The following BMPER variants were observed in gnomAD, a reference collection of about 807,000 sequenced individuals.
BMPER encodes BMP-binding endothelial regulator protein.
Under a neutral mutation model 87.3 loss-of-function variants are expected in BMPER, and 45 were observed. The observed-to-expected ratio is 0.52, with a 90% confidence interval of 0.41 to 0.66. The LOEUF is 0.66. Ranked by LOEUF, BMPER falls within the 30% of genes least tolerant of loss-of-function variation. The probability of loss-of-function intolerance (pLI) is 0.00; values close to 1 mark genes in which losing one functional copy is unlikely to be tolerated. For missense variants in BMPER, 784 were observed against 867.5 expected (o/e 0.90, Z 1.21); for synonymous variants, 326 against 316.2 (o/e 1.03, Z -0.33).
At chr7:34,013,350 C>G (rs1170924431) in intron 6 of BMPER, among the ~76,000 whole-genome samples, 4 of 151,692 alleles carry the variant, frequency 2.6e-5, no homozygotes, top group Admixed American at 6.6e-5. Context: ...GAATCTATGG[C>G]TCCTCAACTC....
intron 13 of BMPER, among the ~76,000 whole-genome samples, chr7:34,121,652 T>G (rs1183421085): frequency 2.0e-5 from 3 of 152,216 alleles, no homozygotes. Flanking sequence ...AATCTACTGT[T>G]ATTATTGACT....
intron 6 of BMPER, among the ~76,000 whole-genome samples, chr7:34,012,082 A>G (rs756633037): frequency 2.4e-4 from 37 of 151,980 alleles, no homozygotes; most frequent in Admixed American, 2.0e-3. Context: ...TAAGAAGGAA[A>G]TAAGAGAAAT....
At chr7:33,956,050 AC>A (rs1031046555) in intron 3 of BMPER, among the ~76,000 whole-genome samples, 1 of 151,876 alleles carries the variant, frequency 6.6e-6, no homozygotes, top group African/African-American at 2.4e-5. Flanking sequence ...AAAAAAAAAA[AC>A]ACCTCACCTA....
intron 11 of BMPER, among the ~76,000 whole-genome samples, chr7:34,062,305 A>T (rs1483394224): frequency 6.6e-6 from 1 of 152,200 alleles, no homozygotes; most frequent in East Asian, 1.9e-4. Flanking sequence ...TTAGGTTTTA[A>T]AAAGGACCAG....
At chr7:34,144,452 A>G (rs1790966647) in intron 14 of BMPER, among the ~76,000 whole-genome samples, 1 of 150,206 alleles carries the variant, frequency 6.7e-6, no homozygotes, top group African/African-American at 2.5e-5. Context: ...GATACTAGAT[A>G]GAGAATAAAT....
chr7:34,151,923 C>G (rs1416807040), intron 14 of BMPER, among the ~76,000 whole-genome samples: 1 of 152,182 alleles, frequency 6.6e-6, no homozygotes, highest in Non-Finnish European at 1.5e-5. Context: ...TCATTTGTTT[C>G]TAACCAGTGC....
intron 12 of BMPER, among the ~76,000 whole-genome samples, chr7:34,082,328 GT>G (rs55748957): frequency 0.019 from 2,193 of 116,400 alleles, 30 homozygotes; most frequent in African/African-American, 0.051. Flanking sequence ...CAACTTATTA[GT>G]TTTTTTTTTT....
chr7:34,017,606 A>G (rs978519535), intron 6 of BMPER, among the ~76,000 whole-genome samples: 59 of 152,070 alleles, frequency 3.9e-4, no homozygotes, highest in African/African-American at 1.3e-3. Flanking sequence ...CAACAAAACC[A>G]TATCAATGAG....
intron 8 of BMPER, among the ~76,000 whole-genome samples, chr7:34,054,202 G>A (rs562997546): frequency 1.3e-5 from 2 of 152,166 alleles, no homozygotes; most frequent in South Asian, 4.1e-4. Context: ...ATCCATCTCT[G>A]TATTTGTATT....
intron 3 of BMPER, among the ~76,000 whole-genome samples, chr7:33,961,364 G>C (rs1785265968): frequency 6.6e-6 from 1 of 152,186 alleles, no homozygotes; most frequent in Non-Finnish European, 1.5e-5. Context: ...AAGGGCTAGG[G>C]GTGGGTGCCT....
intron 6 of BMPER, among the ~76,000 whole-genome samples, chr7:34,028,162 A>G (rs927975156): frequency 3.3e-5 from 5 of 152,062 alleles, no homozygotes; most frequent in Admixed American, 6.6e-5. Flanking sequence ...TTTTGATGCC[A>G]CACCCAAAAC....
At chr7:34,106,832 G>T (rs1313887558) in intron 13 of BMPER, among the ~76,000 whole-genome samples, 1 of 152,182 alleles carries the variant, frequency 6.6e-6, no homozygotes. Flanking sequence ...CAGGCTTTGA[G>T]TATAATGTCC....
intron 11 of BMPER, among the ~76,000 whole-genome samples, chr7:34,069,602 T>C (rs1276433476): frequency 6.6e-6 from 1 of 152,242 alleles, no homozygotes; most frequent in Non-Finnish European, 1.5e-5. Context: ...GCCCAAACTT[T>C]TATGCACTAT....
At chr7:33,943,448 T>C (rs976370247) in intron 3 of BMPER, among the ~76,000 whole-genome samples, 4 of 152,308 alleles carry the variant, frequency 2.6e-5, no homozygotes, top group East Asian at 3.9e-4. Context: ...GAGTAATTCA[T>C]TTAACACCTC....
chr7:34,079,147 G>A lies in BMPER; in HGVS notation c.1369G>A (p.Asp457Asn). 6.2e-7 allele frequency: 1 copy of A among 1,613,890 alleles called. No individual in the cohort carries two copies. The highest frequency in any genetic ancestry group is 2.2e-5 in the East Asian group (1 of 44,866). ...CTGCCGCGCGCCACACTTCCACATCGACCTGGATGGCTACCTCTTGAAAGT... is the reference window on the plus strand; with the variant it reads ...CTGCCGCGCGCCACACTTCCACATCAACCTGGATGGCTACCTCTTGAAAGT... ...LPCRAPHFHI[D>N]LDGYLLKVTT... The change falls in exon 12 of 15, where the codon GAC becomes AAC. Residue 457 changes from aspartate (D) to asparagine (N), a missense_variant. Transcript: ENST00000649409.
intron 6 of BMPER, among the ~76,000 whole-genome samples, chr7:34,016,077 A>C (rs1246139963): frequency 6.6e-6 from 1 of 151,784 alleles, no homozygotes; most frequent in Non-Finnish European, 1.5e-5. Flanking sequence ...TTTTACAGAA[A>C]ACTCCATCAG....
intron 13 of BMPER, among the ~76,000 whole-genome samples, chr7:34,127,740 C>T (rs1790443568): frequency 6.6e-6 from 1 of 152,172 alleles, no homozygotes; most frequent in African/African-American, 2.4e-5. Flanking sequence ...AGTGTGAGAC[C>T]CTTTTTCAGG....
At chr7:33,985,862 C>T (rs965353265) in intron 6 of BMPER, among the ~76,000 whole-genome samples, 3 of 152,058 alleles carry the variant, frequency 2.0e-5, no homozygotes, top group African/African-American at 7.2e-5. Flanking sequence ...CGTTTAAAAA[C>T]ACTGAAACTG....
chr7:34,061,829 G>A (rs1284527941), intron 10 of BMPER, among the ~76,000 whole-genome samples, 173 bp from the exon 11 acceptor site: 1 of 152,138 alleles, frequency 6.6e-6, no homozygotes, highest in Non-Finnish European at 1.5e-5. Flanking sequence ...CCTGATACTT[G>A]AAACTTCATT....
Sources: gnomAD v4.1 joint callset for allele counts (sites outside exome capture counted in the v4.1 genomes callset) on GRCh38, gnomAD v4.1.1 for gene constraint, MANE v1.5 for transcripts, NCBI Gene and HGNC (gene_info 2026-07-23, HGNC 2026-07-21) for gene names.